Variants in RORA observed in about 807,000 individuals in gnomAD.
RORA encodes nuclear receptor ROR-alpha.
RORA carries 7 observed loss-of-function variants against 69.5 expected under a neutral mutation model. The ratio of observed to expected loss-of-function variants is 0.10; its 90% confidence interval spans 0.06 to 0.19. RORA has a LOEUF of 0.19. RORA is among the 10% of genes least tolerant of loss of function. RORA has a pLI of 1.00. For synonymous variants in RORA, 261 were observed against 240.8 expected (o/e 1.08, Z -0.78); for missense variants, 457 against 663.0 (o/e 0.69, Z 3.41).
At chr15:61,072,382 A>T (rs1757835632) in intron 1 of RORA, among the ~76,000 whole-genome samples, 1 of 152,228 alleles carries the variant, frequency 6.6e-6, no homozygotes, top group Admixed American at 6.5e-5. Context: ...ACATGGGATA[A>T]TATCCAGAGT....
At chr15:61,027,541 G>A (rs1285309327) in intron 1 of RORA, among the ~76,000 whole-genome samples, 1 of 152,098 alleles carries the variant, frequency 6.6e-6, no homozygotes, top group African/African-American at 2.4e-5. Flanking sequence ...TGGGACTCAG[G>A]GAAAGTAAAT....
intron 3 of RORA, chr15:60,520,016 G>A (rs1555425624): frequency 6.6e-6 from 1 of 152,190 alleles, no homozygotes; most frequent in Non-Finnish European, 1.5e-5. Context: ...CTGCTTGGAA[G>A]AGGATTACCC....
At chr15:60,598,755 T>C (rs2068753169) in intron 2 of RORA, among the ~76,000 whole-genome samples, 1 of 152,218 alleles carries the variant, frequency 6.6e-6, no homozygotes, top group Non-Finnish European at 1.5e-5. Flanking sequence ...CCCTACATTG[T>C]TCAGGGATCA....
chr15:60,949,310 C>T (rs1168664937), intron 1 of RORA, among the ~76,000 whole-genome samples: 20 of 152,112 alleles, frequency 1.3e-4, no homozygotes, highest in Admixed American at 1.3e-3. Flanking sequence ...CCAAATCTTG[C>T]TTGGCTTCTC....
chr15:60,910,911 T>C (rs1429943343), intron 1 of RORA, among the ~76,000 whole-genome samples: 1 of 149,644 alleles, frequency 6.7e-6, no homozygotes, highest in East Asian at 2.0e-4. Context: ...TGGGTTTTTT[T>C]TTTTTTTTTG....
At chr15:60,551,555 A>G (rs2067228422) in intron 2 of RORA, among the ~76,000 whole-genome samples, 1 of 152,162 alleles carries the variant, frequency 6.6e-6, no homozygotes, top group African/African-American at 2.4e-5. Context: ...AAGTTAAAAG[A>G]CCTTGAATAA....
At chr15:61,096,552 T>A (rs370852953) in intron 1 of RORA, among the ~76,000 whole-genome samples, 1 of 152,176 alleles carries the variant, frequency 6.6e-6, no homozygotes, top group Non-Finnish European at 1.5e-5. Flanking sequence ...AGATTATCTG[T>A]TACAACCAAG....
chr15:60,981,003 C>A (rs1053625280), intron 1 of RORA, among the ~76,000 whole-genome samples: 2 of 151,806 alleles, frequency 1.3e-5, no homozygotes, highest in Non-Finnish European at 2.9e-5. Flanking sequence ...GTCATAGTGA[C>A]AAACTATCTC....
intron 1 of RORA, among the ~76,000 whole-genome samples, chr15:61,056,789 G>A (rs558361892): frequency 2.0e-4 from 30 of 152,240 alleles, no homozygotes; most frequent in Admixed American, 8.5e-4. Context: ...GCAGACACCC[G>A]TCCAGTTTCC....
intron 1 of RORA, among the ~76,000 whole-genome samples, chr15:61,102,032 C>T (rs1329194510): frequency 1.3e-5 from 2 of 152,090 alleles, no homozygotes; most frequent in African/African-American, 4.8e-5. Context: ...TGGTTAAGAA[C>T]ACACCCTAAC....
chr15:60,512,158 G>A (rs1467570825), intron 4 of RORA: 1 of 153,216 alleles, frequency 6.5e-6, no homozygotes, highest in Non-Finnish European at 1.5e-5. Flanking sequence ...TGAATGAACT[G>A]GATGAGGCCT....
intron 1 of RORA, among the ~76,000 whole-genome samples, chr15:61,156,300 T>C (rs1415359076): frequency 6.6e-6 from 1 of 152,208 alleles, no homozygotes; most frequent in Non-Finnish European, 1.5e-5. Flanking sequence ...GTTTGTGTTA[T>C]AATTTTTGCA....
chr15:60,596,808 T>C (rs1190847142), intron 2 of RORA, among the ~76,000 whole-genome samples: 3 of 152,202 alleles, frequency 2.0e-5, no homozygotes, highest in Non-Finnish European at 4.4e-5. Flanking sequence ...TATGTATACA[T>C]ATGCATAGTT....
At chr15:61,183,140 G>A (rs1251969370) in intron 1 of RORA, 2 of 152,292 alleles carry the variant, frequency 1.3e-5, no homozygotes, top group African/African-American at 2.4e-5. Context: ...CTTGTACCAT[G>A]GTTACAGAGG....
chr15:60,948,531 G>A (rs949864667), intron 1 of RORA, among the ~76,000 whole-genome samples: 1 of 152,130 alleles, frequency 6.6e-6, no homozygotes, highest in African/African-American at 2.4e-5. Context: ...AGTAACAACA[G>A]AAACAACAAT....
intron 1 of RORA, among the ~76,000 whole-genome samples, chr15:60,729,197 T>A (rs1157316895): frequency 6.6e-6 from 1 of 152,132 alleles, no homozygotes; most frequent in East Asian, 1.9e-4. Flanking sequence ...CACCCCATAT[T>A]CTGAGTTCCT....
At chr15:60,517,110 C>CTT (rs34707279) in intron 3 of RORA, among the ~76,000 whole-genome samples, 29,558 of 141,218 alleles carry the variant, frequency 0.21, 3,727 homozygotes, top group Middle Eastern at 0.35. Context: ...TTCATCTGTG[C>CTT]TTTTTTTTTT....
chr15:61,125,055 G>A (rs1471635575), intron 1 of RORA, among the ~76,000 whole-genome samples: 2 of 152,158 alleles, frequency 1.3e-5, no homozygotes, highest in East Asian at 3.8e-4. Context: ...ATTTAAAAAT[G>A]TTCATCATCA....
chr15:60,708,916 A>T (rs1246395468), intron 1 of RORA, among the ~76,000 whole-genome samples: 1 of 152,228 alleles, frequency 6.6e-6, no homozygotes, highest in Non-Finnish European at 1.5e-5. Flanking sequence ...AGTCAGCTTT[A>T]TTATGAACCT....
Sources: gnomAD v4.1 joint callset for allele counts (sites outside exome capture counted in the v4.1 genomes callset) on GRCh38, gnomAD v4.1.1 for gene constraint, MANE v1.5 for transcripts, NCBI Gene and HGNC (gene_info 2026-07-23, HGNC 2026-07-21) for gene names.